The following CUX1 variants were observed in gnomAD, a reference collection of about 807,000 sequenced individuals.
CUX1 encodes protein CASP.
CUX1 carries 31 observed loss-of-function variants against 158.8 expected under a neutral mutation model. The ratio of observed to expected loss-of-function variants is 0.20; its 90% confidence interval spans 0.15 to 0.26. CUX1 has a LOEUF of 0.26. CUX1 is among the 10% of genes least tolerant of loss of function. The pLI, the probability that CUX1 is intolerant of heterozygous loss-of-function variation, is 1.00. For synonymous variants in CUX1, 879 were observed against 862.1 expected, an observed-to-expected ratio of 1.02 and a Z score of -0.34; for missense variants, 1,589 against 2,014.6, an observed-to-expected ratio of 0.79 and a Z score of 4.04.
intron 2 of CUX1, among the ~76,000 whole-genome samples, chr7:101,999,982 C>G (rs1816478483): frequency 6.6e-6 from 1 of 152,080 alleles, no homozygotes; most frequent in Non-Finnish European, 1.5e-5. Flanking sequence ...TCTGGGACGC[C>G]AAGGCAGGAG....
intron 3 of CUX1, among the ~76,000 whole-genome samples, chr7:102,062,555 G>T (rs940922709): frequency 6.6e-6 from 1 of 152,142 alleles, no homozygotes; most frequent in African/African-American, 2.4e-5. Context: ...CTGTCACCCA[G>T]GCTGGAGTGC....
intron 1 of CUX1, among the ~76,000 whole-genome samples, chr7:101,900,574 T>G (rs1359633514): frequency 6.6e-6 from 1 of 152,234 alleles, no homozygotes; most frequent in African/African-American, 2.4e-5. Context: ...TGTTGATAGA[T>G]GCCTCTTACT....
chr7:102,108,629 G>A (rs1830600548), intron 6 of CUX1, among the ~76,000 whole-genome samples: 1 of 152,086 alleles, frequency 6.6e-6, no homozygotes, highest in African/African-American at 2.4e-5. Flanking sequence ...AAGTCACTGT[G>A]CCCAGCTCTT....
At chr7:102,210,254 A>C (rs1796387559) in intron 20 of CUX1, among the ~76,000 whole-genome samples, 1 of 151,994 alleles carries the variant, frequency 6.6e-6, no homozygotes, top group Non-Finnish European at 1.5e-5. Flanking sequence ...CTGCCACCAC[A>C]CCCAGGTAAT....
chr7:102,205,326 CTG>C lies in CUX1; in HGVS notation c.3130+160_3130+161del, dbSNP rs533219954. 2.8e-3 allele frequency among the ~76,000 whole-genome samples: 430 copies of C among 152,306 alleles called. 1 individual carries two copies. The highest frequency in any genetic ancestry group is 0.01 in the African/African-American group (417 of 41,568). On this transcript the variant is annotated intron_variant, in intron 20 of 23. Transcript: ENST00000292535. ...TCCTATCTGCAAACGGGGTCCCTCTCTGTGTCAGTTTCTAATGGAGAGCGAGC... is the reference window on the plus strand; with the variant it reads ...TCCTATCTGCAAACGGGGTCCCTCTCTGTCAGTTTCTAATGGAGAGCGAGC...
rs529925132 is a variant in CUX1, at chr7:102,257,276, C to T, written c.*8234C>T. 9 of 985,024 alleles carry T rather than the reference C, an allele frequency of 9.1e-6. No homozygotes were observed. The highest frequency in any genetic ancestry group is 2.3e-4 in the East Asian group (2 of 8,818). The allele number at this position is 985,024 out of a possible 1,614,324, so 61.0% of individuals were successfully genotyped here. ...TCTCTCTTTGAAAGAAACCCTCCAC[C>T]GAAACAATGGTCCCCATCTCCCCAG... On this transcript the variant is annotated 3_prime_UTR_variant, in exon 24 of 24. Transcript: ENST00000292535.
chr7:102,079,007 G>T (rs1038059931), intron 4 of CUX1, among the ~76,000 whole-genome samples: 1 of 152,200 alleles, frequency 6.6e-6, no homozygotes, highest in Non-Finnish European at 1.5e-5. Flanking sequence ...TAAAATAGCA[G>T]TCTGGTTCTT....
intron 2 of CUX1, among the ~76,000 whole-genome samples, chr7:102,027,362 G>A (rs1820165906): frequency 6.6e-6 from 1 of 151,970 alleles, no homozygotes; most frequent in Admixed American, 6.6e-5. Context: ...GACAGAGCGA[G>A]ACTCCATCTC....
At chr7:102,063,099 G>A (rs998216259) in intron 3 of CUX1, among the ~76,000 whole-genome samples, 5 of 147,320 alleles carry the variant, frequency 3.4e-5, no homozygotes, top group South Asian at 2.2e-4. Flanking sequence ...GCGAGATTCC[G>A]TCTCTAAATA....
intron 1 of CUX1, among the ~76,000 whole-genome samples, chr7:101,877,170 T>C (rs1799230101): frequency 1.3e-5 from 2 of 152,352 alleles, no homozygotes; most frequent in South Asian, 2.1e-4. Flanking sequence ...CTTGTATTAC[T>C]TACCTATTTT....
rs1420077470 is a variant in CUX1 at position 102,248,870 on chromosome 7, C to T, written c.4346C>T (p.Ala1449Val). The change falls in exon 24 of 24, where the codon GCC (alanine) becomes GTC (valine). Residue 1449 changes from alanine to valine, a missense_variant. This residue lies in a region of CUX1 where 344 missense variants were observed against 323.7 expected (regional missense o/e 1.06). Coordinates refer to ENST00000292535, the MANE Select transcript of CUX1 (RefSeq NM_181552.4). This position sits in a 1 kb window ranked among gnomAD's most constrained non-coding sequence, Gnocchi z 5.8. ...PPPSNSSSSS[A>V]PRRPSSLQSL... is the part of the protein sequence containing the mutation. ...CCCAGCAACAGCAGCAGCAGCAGCG[C>T]CCCCCGCAGGCCCAGCTCGCTGCAG... The T allele has an allele frequency of 7.6e-7, 1 of 1,312,030 alleles. No homozygotes were observed. Among genetic ancestry groups the T allele is most frequent in the Non-Finnish European group, 9.8e-7 (1 of 1,023,758 alleles). The allele number at this position is 1,312,030 out of a possible 1,614,324, so 81.3% of individuals were successfully genotyped here.
intron 2 of CUX1, among the ~76,000 whole-genome samples, chr7:101,935,090 G>T (rs1806758973): frequency 6.6e-6 from 1 of 152,084 alleles, no homozygotes; most frequent in African/African-American, 2.4e-5. Context: ...CATCCAGATG[G>T]CCGGTTCCTG....
chr7:102,105,176 TACACACACACACACACAC>T (rs3076512), intron 6 of CUX1, among the ~76,000 whole-genome samples: 2 of 144,426 alleles, frequency 1.4e-5, no homozygotes, highest in African/African-American at 2.5e-5. Flanking sequence ...TATTTAATAT[TACACACACACACACACAC>T]ACACACACAC....
chr7:102,247,421 G>T (rs1358106368), intron 23 of CUX1, among the ~76,000 whole-genome samples: 3 of 152,206 alleles, frequency 2.0e-5, no homozygotes, highest in African/African-American at 7.2e-5. Context: ...CTTCGTTACT[G>T]CACACCAGGC....
chr7:102,148,841 C>G (rs991816345), intron 8 of CUX1, among the ~76,000 whole-genome samples: 18 of 151,546 alleles, frequency 1.2e-4, no homozygotes, highest in Admixed American at 1.2e-3. Context: ...CCCTCACCCC[C>G]CTCCCACCCT....
intron 1 of CUX1, among the ~76,000 whole-genome samples, chr7:101,891,008 G>C (rs112527054): frequency 1.3e-5 from 2 of 151,770 alleles, no homozygotes; most frequent in Non-Finnish European, 2.9e-5. Context: ...GAGCGGGGGC[G>C]GGGGGAATAT....
chr7:102,210,694 C>A (rs1425128768), intron 20 of CUX1, among the ~76,000 whole-genome samples: 4 of 152,224 alleles, frequency 2.6e-5, no homozygotes, highest in Non-Finnish European at 5.9e-5. Flanking sequence ...GGGTTCCAAG[C>A]CTTCTCTGCT....
At chr7:102,231,825 T>C (rs1799035851) in intron 21 of CUX1, among the ~76,000 whole-genome samples, 1 of 151,620 alleles carries the variant, frequency 6.6e-6, no homozygotes, top group Non-Finnish European at 1.5e-5. Flanking sequence ...GCCATTCTCC[T>C]GCCTCAGCCT....
chr7:102,070,814 T>C (rs1230448481), intron 4 of CUX1, among the ~76,000 whole-genome samples: 1 of 152,088 alleles, frequency 6.6e-6, no homozygotes, highest in African/African-American at 2.4e-5. Flanking sequence ...ACACCTGGAG[T>C]GTCCCGCTCC....
Sources: allele counts gnomAD v4.1 joint callset (sites outside exome capture counted in the v4.1 genomes callset), GRCh38; gene constraint gnomAD v4.1.1; regional missense constraint gnomAD v4.1.1; non-coding constraint Gnocchi (gnomAD v3.1); transcripts MANE v1.5; gene names NCBI Gene and HGNC (gene_info 2026-07-23, HGNC 2026-07-21).